The following FRK variants were observed in gnomAD, a reference collection of about 807,000 sequenced individuals.
FRK encodes fyn related Src family tyrosine kinase, also known as tyrosine-protein kinase FRK.
Under a neutral mutation model 56.4 loss-of-function variants are expected in FRK, and 51 were observed. The ratio of observed to expected loss-of-function variants is 0.90; its 90% CI spans 0.72 to 1.14. FRK has a LOEUF of 1.14. FRK is among the 50% of genes most tolerant of loss of function. The probability of loss-of-function intolerance (pLI) is 0.00; values close to 1 mark genes in which losing one functional copy is unlikely to be tolerated. For synonymous variants in FRK, 245 were observed against 217.9 expected (o/e 1.12, Z -1.10); for missense variants, 570 against 601.4 (o/e 0.95, Z 0.55).
chr6:116,093,829 G>C, the FRK span, among the ~76,000 whole-genome samples: 41 of 152,290 alleles, frequency 2.7e-4, no homozygotes, highest in Non-Finnish European at 4.0e-4. Context: ...CTCACTTGAG[G>C]TTCAATTGAT....
At chr6:116,053,498 T>C (rs1241589321) in intron 1 of FRK, among the ~76,000 whole-genome samples, 2 of 152,182 alleles carry the variant, frequency 1.3e-5, no homozygotes, top group Admixed American at 6.5e-5. Flanking sequence ...TCTTGACTTC[T>C]ATTCATCAAA....
chr6:116,072,458 A>T, the FRK span, among the ~76,000 whole-genome samples: 305 of 152,232 alleles, frequency 2.0e-3, no homozygotes, highest in Non-Finnish European at 3.2e-3. Flanking sequence ...CCCTTTGAAG[A>T]TAAGCAAAGA....
intron 2 of FRK, among the ~76,000 whole-genome samples, chr6:115,995,738 T>C (rs1281605379): frequency 6.6e-6 from 1 of 152,176 alleles, no homozygotes; most frequent in African/African-American, 2.4e-5. Flanking sequence ...TCTGCATGTA[T>C]ATGTGTGTGT....
Position 115,937,226 on chromosome 6 carries a change from C to G in FRK, c.*5188G>C, listed in dbSNP as rs561779520. 1.3e-5 allele frequency: 2 copies of G among 152,182 alleles called. No individual in the cohort carries two copies. Among genetic ancestry groups the G allele is most frequent in the East Asian group, 3.9e-4 (2 of 5,172 alleles). 9.4% of individuals were successfully genotyped at this position (152,182 alleles called of 1,614,324 possible). Reference sequence around the variant, plus strand: ...CCAGAATTTCATATCCAACCAAACTCAGTTTCATAAGCGAAGGAGAAATAA... The same window carrying G: ...CCAGAATTTCATATCCAACCAAACTGAGTTTCATAAGCGAAGGAGAAATAA... On this transcript the variant is annotated 3_prime_UTR_variant, in exon 8 of 8. Transcript: ENST00000606080.
At chr6:116,077,040 A>C in the FRK span, among the ~76,000 whole-genome samples, 159 of 152,370 alleles carry the variant, frequency 1.0e-3, 1 homozygote, top group African/African-American at 3.7e-3. Context: ...TTGACTATCC[A>C]AAAGATGAAA....
chr6:116,077,510 A>G, the FRK span, among the ~76,000 whole-genome samples: 1 of 152,208 alleles, frequency 6.6e-6, no homozygotes, highest in East Asian at 1.9e-4. Flanking sequence ...TTGCAGATAC[A>G]TGCACGGTGC....
At chr6:115,952,324 C>T (rs113668543) in intron 5 of FRK, among the ~76,000 whole-genome samples, 26,812 of 152,024 alleles carry the variant, frequency 0.18, 3,037 homozygotes, top group East Asian at 0.38. Flanking sequence ...TAAAAAAATG[C>T]GCACCATCAC....
intron 1 of FRK, among the ~76,000 whole-genome samples, chr6:116,057,281 C>T (rs920473567): frequency 1.3e-5 from 2 of 152,004 alleles, no homozygotes; most frequent in East Asian, 3.9e-4. Context: ...TCACAGCATT[C>T]AGGAGAAAAA....
At chr6:116,019,547 G>C (rs982777332) in intron 1 of FRK, among the ~76,000 whole-genome samples, 13 of 152,138 alleles carry the variant, frequency 8.5e-5, no homozygotes, top group Non-Finnish European at 1.8e-4. Context: ...CTTTATAATT[G>C]AGTGCCATCA....
intron 2 of FRK, among the ~76,000 whole-genome samples, chr6:115,981,148 T>C (rs2114636687): frequency 6.6e-6 from 1 of 152,246 alleles, no homozygotes; most frequent in South Asian, 2.1e-4. Flanking sequence ...TTCTCCAGGA[T>C]TTTTGTTTAT....
At position 116,056,745 on chromosome 6, in the gene FRK, A is replaced by G. The variant is rs190652860; in HGVS notation, c.344+3223T>C. Among the ~76,000 whole-genome samples, 8 of 152,324 alleles carry G rather than the reference A, an allele frequency of 5.3e-5. No individual in the cohort carries two copies. The East Asian group carries it at 1.5e-3, about 29-fold the overall frequency. The stretch of plus-strand genomic sequence containing the variant: ...AAGGGCAAGGTTTTCGAGGGATTTC[A>G]CATTGAAGATGTTGAAGAAAAAGAC... On this transcript the variant is annotated intron_variant, in intron 1 of 7. Coordinates refer to ENST00000606080, the MANE Select transcript of FRK (RefSeq NM_002031.3).
At chr6:116,049,163 C>A (rs1777098066) in intron 1 of FRK, among the ~76,000 whole-genome samples, 1 of 152,016 alleles carries the variant, frequency 6.6e-6, no homozygotes, top group South Asian at 2.1e-4. Context: ...TAGATAAAAC[C>A]CACTCTTTAA....
At chr6:116,034,277 T>A (rs1447153829) in intron 1 of FRK, among the ~76,000 whole-genome samples, 1 of 152,170 alleles carries the variant, frequency 6.6e-6, no homozygotes, top group African/African-American at 2.4e-5. Flanking sequence ...GGAGAATTGA[T>A]CAGTGTTTGA....
At chr6:115,958,541 T>C (rs953009601) in intron 4 of FRK, among the ~76,000 whole-genome samples, 1 of 150,912 alleles carries the variant, frequency 6.6e-6, no homozygotes, top group Non-Finnish European at 1.5e-5. Flanking sequence ...GGCAGAAGAA[T>C]CACTTGAACC....
the FRK span, among the ~76,000 whole-genome samples, chr6:116,096,068 C>T: frequency 6.6e-6 from 1 of 152,262 alleles, no homozygotes; most frequent in East Asian, 1.9e-4. Context: ...AATTTGGTTC[C>T]TCTAGGATCA....
rs1772215016 is a variant in FRK, at chr6:115,942,274, A to T, written c.*140T>A. Reference sequence around the variant, plus strand: ...ATAAAATGCACAAATAATCTTTTTCATAATACATGGCCAACTTTATCCTAT... The same window carrying T: ...ATAAAATGCACAAATAATCTTTTTCTTAATACATGGCCAACTTTATCCTAT... On this transcript the variant is annotated 3_prime_UTR_variant, in exon 8 of 8. Coordinates refer to ENST00000606080, the MANE Select transcript of FRK (RefSeq NM_002031.3). 7 of 688,228 alleles carry T rather than the reference A, an allele frequency of 1.0e-5. No homozygotes were observed. Among genetic ancestry groups the T allele is most frequent in the Admixed American group, 2.7e-5 (1 of 37,672 alleles). The allele number at this position is 688,228 out of a possible 1,614,324, so 42.6% of individuals were successfully genotyped here. A position where few individuals can be genotyped will look rare whatever the true frequency, so the allele number is the denominator to read the frequency against.
chr6:116,053,210 T>C (rs1244209007), intron 1 of FRK, among the ~76,000 whole-genome samples: 1 of 152,190 alleles, frequency 6.6e-6, no homozygotes, highest in Non-Finnish European at 1.5e-5. Context: ...CACTAATGTT[T>C]GGATCTAGTT....
the FRK span, among the ~76,000 whole-genome samples, chr6:116,076,067 C>T: frequency 6.6e-6 from 1 of 150,870 alleles, no homozygotes; most frequent in African/African-American, 2.4e-5. Context: ...TCTTAGTGCT[C>T]TTCTTGTTTT....
intron 2 of FRK, among the ~76,000 whole-genome samples, chr6:115,996,650 C>G (rs936568593): frequency 1.3e-5 from 2 of 152,144 alleles, no homozygotes; most frequent in Admixed American, 1.3e-4. Flanking sequence ...TTGATTATCT[C>G]TGCACGTTGT....
Sources: gnomAD v4.1 joint callset for allele counts (sites outside exome capture counted in the v4.1 genomes callset) on GRCh38, gnomAD v4.1.1 for gene constraint, MANE v1.5 for transcripts, NCBI Gene and HGNC (gene_info 2026-07-23, HGNC 2026-07-21) for gene names.